Variants in ZNF618 observed in about 807,000 individuals in gnomAD.
ZNF618 encodes neural precursor cell expressed, developmentally down-regulated 10.
A neutral mutation model predicts 103.0 loss-of-function variants in ZNF618; 34 were observed. That is an observed-to-expected ratio of 0.33 (90% CI 0.25 to 0.44). The LOEUF (loss-of-function observed/expected upper bound fraction) is 0.44. Among genes scored for constraint, ZNF618 ranks in the 20% least tolerant of loss-of-function variants. The pLI is 1.00. For missense variants in ZNF618, 1,059 were observed against 1,295.4 expected, an observed-to-expected ratio of 0.82 and a Z score of 2.80; for synonymous variants, 551 against 542.2, an observed-to-expected ratio of 1.02 and a Z score of -0.23.
intron 1 of ZNF618, among the ~76,000 whole-genome samples, chr9:113,933,989 C>A (rs1833830043): frequency 6.6e-6 from 1 of 151,772 alleles, no homozygotes; most frequent in Middle Eastern, 3.2e-3. Flanking sequence ...AGGACAAGGT[C>A]TAGGGTGTTA....
chr9:113,893,551 G>A (rs1829790072), intron 1 of ZNF618, among the ~76,000 whole-genome samples: 2 of 152,000 alleles, frequency 1.3e-5, no homozygotes, highest in Admixed American at 6.6e-5. Flanking sequence ...AAGTCATAAA[G>A]TATTAAGAAT....
At chr9:113,883,638 G>A (rs1587920835) in intron 1 of ZNF618, among the ~76,000 whole-genome samples, 1 of 152,132 alleles carries the variant, frequency 6.6e-6, no homozygotes, top group East Asian at 1.9e-4. Context: ...CTGTTTCTTG[G>A]CTTAGTTTTT....
intron 1 of ZNF618, among the ~76,000 whole-genome samples, chr9:113,951,458 T>TACATATATGTGTGTATGTGTAC (rs1159107710): frequency 2.2e-4 from 12 of 54,698 alleles, no homozygotes; most frequent in Middle Eastern, 0.011. Flanking sequence ...TGTGTATATA[T>TACATATATGTGTGTATGTGTAC]ACATATATGT....
chr9:113,937,877 T>C (rs1400972257), intron 1 of ZNF618, among the ~76,000 whole-genome samples: 2 of 21,630 alleles, frequency 9.2e-5, no homozygotes, highest in Non-Finnish European at 1.9e-4. Flanking sequence ...ATTATGTGCC[T>C]TTTTTTTGTT....
intron 1 of ZNF618, among the ~76,000 whole-genome samples, chr9:113,898,497 T>C (rs1235321728): frequency 6.7e-6 from 1 of 148,646 alleles, no homozygotes; most frequent in Non-Finnish European, 1.5e-5. Context: ...CTGGATCATA[T>C]CTCCCTGCAG....
At chr9:113,999,742 C>T (rs759883904) in intron 4 of ZNF618, among the ~76,000 whole-genome samples, 11 of 152,252 alleles carry the variant, frequency 7.2e-5, no homozygotes, top group Non-Finnish European at 1.0e-4. Context: ...GCTGCCCTAA[C>T]GCCATCATCG....
intron 1 of ZNF618, among the ~76,000 whole-genome samples, chr9:113,921,601 C>G (rs979999165): frequency 6.6e-6 from 1 of 152,192 alleles, no homozygotes; most frequent in Non-Finnish European, 1.5e-5. Context: ...GAGCTTGGAA[C>G]TGACCAGCTG....
chr9:114,000,512 C>CGTTAGT (rs10653825), intron 4 of ZNF618, among the ~76,000 whole-genome samples: 85,744 of 151,246 alleles, frequency 0.57, 26,327 homozygotes, highest in Non-Finnish European at 0.68. Flanking sequence ...CATTAGCCAT[C>CGTTAGT]GTTAGTGTAT....
chr9:114,015,091 G>C (rs11791230), intron 9 of ZNF618, among the ~76,000 whole-genome samples: 47,715 of 151,954 alleles, frequency 0.31, 8,590 homozygotes, highest in East Asian at 0.66. Context: ...TACAGTTGAT[G>C]TAATAACTGA....
chr9:113,878,737 C>T (rs1380985007), intron 1 of ZNF618, among the ~76,000 whole-genome samples: 1 of 152,088 alleles, frequency 6.6e-6, no homozygotes, highest in African/African-American at 2.4e-5. Flanking sequence ...TCACCTGGGG[C>T]AAGAAAGGAA....
chr9:113,978,443 C>T (rs1405866153), intron 2 of ZNF618, among the ~76,000 whole-genome samples: 3 of 152,202 alleles, frequency 2.0e-5, no homozygotes, highest in Admixed American at 6.5e-5. Context: ...AGGTGGCAAG[C>T]GCAGAGCCCA....
At chr9:113,887,142 TCA>T (rs1373079483) in intron 1 of ZNF618, among the ~76,000 whole-genome samples, 1 of 152,012 alleles carries the variant, frequency 6.6e-6, no homozygotes, top group Non-Finnish European at 1.5e-5. Context: ...TTGCTCAGGG[TCA>T]CACAACACCG....
intron 1 of ZNF618, among the ~76,000 whole-genome samples, chr9:113,897,205 T>C (rs7874816): frequency 0.06 from 9,200 of 152,246 alleles, 410 homozygotes; most frequent in African/African-American, 0.14. Flanking sequence ...TTTCCCCCTA[T>C]GTACTAGTAC....
intron 1 of ZNF618, among the ~76,000 whole-genome samples, chr9:113,900,015 G>A (rs1402329034): frequency 6.6e-6 from 1 of 151,988 alleles, no homozygotes; most frequent in Non-Finnish European, 1.5e-5. Flanking sequence ...TGGATCATAT[G>A]GTAATTCTGC....
rs1564207908 is a variant in ZNF618, at chr9:113,951,536, T to TATACATGTAC, written c.34-17580_34-17579insTACATGTACA. 8.2e-4 allele frequency among the ~76,000 whole-genome samples: 63 copies of TATACATGTAC among 77,014 alleles called. 2 individuals are homozygous for TATACATGTAC. The highest frequency in any genetic ancestry group is 0.014 in the Middle Eastern group (2 of 144). The allele number at this position is 77,014 out of a possible 152,430, so 50.5% of individuals were successfully genotyped here. On this transcript the variant is annotated intron_variant, in intron 1 of 14. Coordinates refer to ENST00000374126, the MANE Select transcript of ZNF618 (RefSeq NM_001318042.2). ...GTGTGTATATGTACACATATGTGTG[T>TATACATGTAC]ACATATGTACACATATGTGTGTGTA...
chr9:114,002,758 G>A, intron 6 of ZNF618, 96 bp downstream of exon 6: 1 of 1,433,836 alleles, frequency 7.0e-7, no homozygotes, highest in East Asian at 2.3e-5. Context: ...ACTGCTCCAG[G>A]TGGCCTCTGA....
chr9:113,926,665 C>T (rs1833123724), intron 1 of ZNF618, among the ~76,000 whole-genome samples: 1 of 152,040 alleles, frequency 6.6e-6, no homozygotes, highest in Admixed American at 6.5e-5. Flanking sequence ...ATCAGCAGTT[C>T]TTGCATGTTG....
intron 1 of ZNF618, among the ~76,000 whole-genome samples, chr9:113,899,237 T>C (rs1830303780): frequency 6.6e-6 from 1 of 152,040 alleles, no homozygotes; most frequent in Non-Finnish European, 1.5e-5. Flanking sequence ...GGGCTACCAA[T>C]CTCCAGAACT....
intron 9 of ZNF618, among the ~76,000 whole-genome samples, chr9:114,013,945 A>G (rs1380966500): frequency 6.6e-6 from 1 of 152,206 alleles, no homozygotes; most frequent in Non-Finnish European, 1.5e-5. Flanking sequence ...ATTCTTTGAC[A>G]TGCTAAAGTT....
Sources: allele counts gnomAD v4.1 joint callset (sites outside exome capture counted in the v4.1 genomes callset), GRCh38; gene constraint gnomAD v4.1.1; transcripts MANE v1.5; gene names NCBI Gene and HGNC (gene_info 2026-07-23, HGNC 2026-07-21).